The following MYO5A variants were observed in gnomAD, a reference collection of about 807,000 sequenced individuals.
MYO5A encodes the protein myosin VA.
A neutral mutation model predicts 249.7 loss-of-function variants in MYO5A; 98 were observed. The ratio of observed to expected loss-of-function variants is 0.39; its 90% CI spans 0.33 to 0.46. The LOEUF is 0.46. Among genes scored for constraint, MYO5A ranks in the 20% least tolerant of loss-of-function variants. The probability of loss-of-function intolerance (pLI) is 0.98; values close to 1 mark genes in which losing one functional copy is unlikely to be tolerated. For missense variants in MYO5A, 1,696 were observed against 2,308.8 expected (o/e 0.73, Z 5.44); for synonymous variants, 778 against 810.6 (o/e 0.96, Z 0.68).
At chr15:52,472,147 C>T (rs1396885949) in intron 1 of MYO5A, among the ~76,000 whole-genome samples, 3 of 151,210 alleles carry the variant, frequency 2.0e-5, no homozygotes, top group African/African-American at 4.9e-5. Flanking sequence ...GGCAGGATCT[C>T]GGCTCACTGC....
intron 4 of MYO5A, among the ~76,000 whole-genome samples, chr15:52,423,496 G>A (rs1405085111): frequency 2.6e-5 from 4 of 151,688 alleles, no homozygotes; most frequent in Non-Finnish European, 5.9e-5. Context: ...AGGTTGCAGT[G>A]AGCTGAGATT....
chr15:52,387,508 A>G (rs1280075155), intron 14 of MYO5A, among the ~76,000 whole-genome samples: 3 of 152,224 alleles, frequency 2.0e-5, no homozygotes, highest in Non-Finnish European at 4.4e-5. Flanking sequence ...CAAAACTGAA[A>G]GAAACATTGC....
At chr15:52,359,913 T>C (rs766352926) in intron 25 of MYO5A, 55 bp downstream of exon 25, 151 of 1,266,584 alleles carry the variant, frequency 1.2e-4, no homozygotes, top group Non-Finnish European at 1.6e-4. Flanking sequence ...AAATGTTCCT[T>C]GTTAACAACA....
intron 1 of MYO5A, among the ~76,000 whole-genome samples, chr15:52,472,735 T>G (rs1053968420): frequency 5.3e-5 from 8 of 152,230 alleles, no homozygotes; most frequent in African/African-American, 1.7e-4. Context: ...TCCTTTTTTA[T>G]GGCTACGTAG....
At chr15:52,385,924 G>T (rs540402919) in intron 14 of MYO5A, among the ~76,000 whole-genome samples, 1 of 152,264 alleles carries the variant, frequency 6.6e-6, no homozygotes, top group East Asian at 1.9e-4. Flanking sequence ...CACTGCAAAT[G>T]ATTTGTCAGA....
chr15:52,354,065 A>G, intron 25 of MYO5A, 51 bp from the exon 26 acceptor site: 1 of 1,607,012 alleles, frequency 6.2e-7, no homozygotes, highest in South Asian at 1.1e-5. Flanking sequence ...AAGACATAAA[A>G]GCCAATGAGA....
At position 52,313,363 on chromosome 15, in the gene MYO5A, G is replaced by A. The variant is rs1009671939; in HGVS notation, c.*333C>T. The A allele has an allele frequency of 8.5e-6, 3 of 354,750 alleles. No homozygotes were observed. Among genetic ancestry groups the A allele is most frequent in the African/African-American group, 6.3e-5 (3 of 47,304 alleles). 22.0% of individuals were successfully genotyped at this position (354,750 alleles called of 1,614,324 possible). A position where few individuals can be genotyped will look rare whatever the true frequency, so the allele number is the denominator to read the frequency against. On this transcript the variant is annotated 3_prime_UTR_variant, in exon 42 of 42. Coordinates refer to ENST00000399233, the MANE Select transcript of MYO5A (RefSeq NM_001382347.1). ...ATACTTTTTATACCATTCAAACTCA[G>A]TGCTAAGGATTTAAAATAAATGCTG...
intron 34 of MYO5A, among the ~76,000 whole-genome samples, chr15:52,333,691 A>AT (rs1270834097): frequency 3.3e-5 from 5 of 152,134 alleles, no homozygotes; most frequent in Admixed American, 6.6e-5. Context: ...ATATGCTAGC[A>AT]TTTTTTTTAA....
intron 1 of MYO5A, among the ~76,000 whole-genome samples, chr15:52,524,590 T>TAAATAAATAAAA (rs1555390787): frequency 2.0e-5 from 3 of 147,414 alleles, no homozygotes; most frequent in South Asian, 4.3e-4. Context: ...AATAAATAAA[T>TAAATAAATAAAA]AAAATAGGCT....
intron 34 of MYO5A, among the ~76,000 whole-genome samples, chr15:52,331,244 T>C (rs1159907329): frequency 3.3e-5 from 5 of 152,172 alleles, no homozygotes; most frequent in Admixed American, 3.3e-4. Context: ...AAAGTTGCAA[T>C]CAATGAAGTA....
At chr15:52,374,608 C>T (rs1003781966) in intron 20 of MYO5A, among the ~76,000 whole-genome samples, 29 of 152,170 alleles carry the variant, frequency 1.9e-4, no homozygotes, top group Non-Finnish European at 4.4e-5. Flanking sequence ...GTCAGATACA[C>T]AGAAGAGAAA....
chr15:52,419,287 T>A (rs2043674855), intron 4 of MYO5A, among the ~76,000 whole-genome samples: 1 of 152,220 alleles, frequency 6.6e-6, no homozygotes, highest in South Asian at 2.1e-4. Flanking sequence ...TCTCCCTTTA[T>A]CCGATCCCTT....
At chr15:52,430,377 G>A (rs2075500455) in intron 2 of MYO5A, among the ~76,000 whole-genome samples, 1 of 152,140 alleles carries the variant, frequency 6.6e-6, no homozygotes, top group African/African-American at 2.4e-5. Context: ...TATTAGAGAA[G>A]ACACTAATTT....
chr15:52,500,867 G>T (rs1395403249), intron 1 of MYO5A, among the ~76,000 whole-genome samples: 1 of 152,034 alleles, frequency 6.6e-6, no homozygotes, highest in Non-Finnish European at 1.5e-5. Flanking sequence ...CCAAAAAATG[G>T]ATCAGGAGTG....
rs2242058 is a variant in MYO5A at position 52,379,587 on chromosome 15, C to T, written c.2208+38G>A. 900,236 of 1,565,278 alleles carry T rather than the reference C, an allele frequency of 0.58. 275,298 individuals carry two copies. Among genetic ancestry groups the T allele is most frequent in the Non-Finnish European group, 0.63 (714,637 of 1,135,808 alleles). On this transcript the variant is annotated intron_variant, in intron 18 of 41. Transcript: ENST00000399233. ...GCTTTCCAAGGTCAGAACCACAAGG[C>T]CTTCTGCTCAGATGACGGTAAGCGA...
intron 32 of MYO5A, 51 bp from the exon 33 acceptor site, chr15:52,337,935 A>G: frequency 8.0e-7 from 1 of 1,253,194 alleles, no homozygotes; most frequent in Admixed American, 2.4e-5. Flanking sequence ...TGTTTGAGGG[A>G]AATGCTATCT....
In MYO5A at chr15:52,521,214, C is replaced by T. The variant is rs184086861; in HGVS notation, c.27+7566G>A. On this transcript the variant is annotated intron_variant, in intron 1 of 41. Coordinates refer to ENST00000399233, the MANE Select transcript of MYO5A (RefSeq NM_001382347.1). ...CTGCACTCCAGCCTGGGTGACAGAG[C>T]GAGACTCTGTCTCAAAAAAAAAAAA... Among the ~76,000 whole-genome samples the T allele has an allele frequency of 3.5e-4, 41 of 118,720 alleles. No homozygotes were observed. In the East Asian group the frequency reaches 9.6e-3, roughly 28 times the overall value. The allele number at this position is 118,720 out of a possible 152,430, so 77.9% of individuals were successfully genotyped here.
intron 1 of MYO5A, among the ~76,000 whole-genome samples, chr15:52,499,420 A>C (rs2077107997): frequency 2.0e-5 from 3 of 152,154 alleles, no homozygotes; most frequent in African/African-American, 7.2e-5. Flanking sequence ...TGTAACCATC[A>C]CCACCGTCTG....
At chr15:52,339,124 A>C (rs1481783267) in intron 32 of MYO5A, among the ~76,000 whole-genome samples, 1 of 150,756 alleles carries the variant, frequency 6.6e-6, no homozygotes, top group Non-Finnish European at 1.5e-5. Flanking sequence ...GTGGAGCCTC[A>C]TACAGACAGA....
Sources: gnomAD v4.1 joint callset for allele counts (sites outside exome capture counted in the v4.1 genomes callset) on GRCh38, gnomAD v4.1.1 for gene constraint, MANE v1.5 for transcripts, NCBI Gene and HGNC (gene_info 2026-07-23, HGNC 2026-07-21) for gene names.